Variants in AGAP1 observed in about 807,000 individuals in gnomAD.
The protein encoded by AGAP1 is arf-GAP with GTPase, ANK repeat and PH domain-containing protein 1.
In AGAP1, 29 loss-of-function variants were observed where a neutral mutation model predicts 105.3. That is an observed-to-expected ratio of 0.28 (90% confidence interval 0.21 to 0.38). The LOEUF is 0.38. AGAP1 is among the 10% of genes least tolerant of loss of function. The pLI is 1.00. For missense variants in AGAP1, 998 were observed against 1,165.1 expected, an observed-to-expected ratio of 0.86 and a Z score of 2.09; for synonymous variants, 509 against 485.9, an observed-to-expected ratio of 1.05 and a Z score of -0.63.
At chr2:235,848,916 G>A (rs891127014) in intron 9 of AGAP1, among the ~76,000 whole-genome samples, 1 of 152,212 alleles carries the variant, frequency 6.6e-6, no homozygotes, top group Non-Finnish European at 1.5e-5. Context: ...TCAGTGTTAA[G>A]GGTTGTCAGT....
In AGAP1 at chr2:235,971,827, G is replaced by A. The variant is rs1280461569; in HGVS notation, c.1645+3204G>A. Reference sequence around the variant, plus strand: ...AGGTCCTCGCTCTGTCACCCAGGCTGGGGTGTAGTGGTGCAGTCACGGCTC... The same window carrying A: ...AGGTCCTCGCTCTGTCACCCAGGCTAGGGTGTAGTGGTGCAGTCACGGCTC... On this transcript the variant is annotated intron_variant, in intron 13 of 17. Coordinates refer to ENST00000304032, the MANE Select transcript of AGAP1 (RefSeq NM_001037131.3). This position sits in a 1 kb window ranked among gnomAD's most constrained non-coding sequence, Gnocchi z 4.8. Among the ~76,000 whole-genome samples the A allele has an allele frequency of 6.6e-6, 1 of 151,396 alleles. No homozygotes were observed. Among genetic ancestry groups the A allele is most frequent in the Admixed American group, 6.6e-5 (1 of 15,182 alleles).
At chr2:235,561,775 C>T (rs1020222759) in intron 1 of AGAP1, among the ~76,000 whole-genome samples, 2 of 152,144 alleles carry the variant, frequency 1.3e-5, no homozygotes, top group African/African-American at 4.8e-5. Context: ...AAACTAAGGC[C>T]TTTGATTTAA....
At chr2:235,841,853 G>A (rs886078164) in intron 9 of AGAP1, among the ~76,000 whole-genome samples, 1 of 152,078 alleles carries the variant, frequency 6.6e-6, no homozygotes, top group African/African-American at 2.4e-5. Context: ...CATCCAGGCC[G>A]CATTTCCTCC....
At chr2:235,607,828 C>T (rs66471729) in intron 1 of AGAP1, among the ~76,000 whole-genome samples, 27,054 of 152,098 alleles carry the variant, frequency 0.18, 2,843 homozygotes, top group Non-Finnish European at 0.24. Flanking sequence ...AAGTCACTAT[C>T]GGGGAACGTT....
At chr2:235,790,610 A>G (rs1241051548) in intron 6 of AGAP1, among the ~76,000 whole-genome samples, 1 of 152,146 alleles carries the variant, frequency 6.6e-6, no homozygotes, top group Admixed American at 6.5e-5. Context: ...GGACAACTTC[A>G]CACTTGCCAC....
chr2:235,572,114 A>G (rs1004876931), intron 1 of AGAP1, among the ~76,000 whole-genome samples: 5 of 150,328 alleles, frequency 3.3e-5, no homozygotes, highest in Non-Finnish European at 5.9e-5. Context: ...TTAGCCTCTA[A>G]TTTGGGTCTG....
chr2:235,760,487 A>G (rs527286700), intron 6 of AGAP1, among the ~76,000 whole-genome samples: 1 of 152,402 alleles, frequency 6.6e-6, no homozygotes, highest in Non-Finnish European at 1.5e-5. Flanking sequence ...TGAGGTGATT[A>G]TCCTTAAATC....
rs916924305 is a variant in AGAP1 at position 236,046,161 on chromosome 2, G to A, written c.1892-2898G>A. The A allele has an allele frequency of 2.5e-6, 1 of 396,902 alleles. No individual in the cohort carries two copies. Among genetic ancestry groups the A allele is most frequent in the Non-Finnish European group, 5.3e-6 (1 of 189,200 alleles). The allele number at this position is 396,902 out of a possible 1,614,324, so 24.6% of individuals were successfully genotyped here. ...AATCGGAGGTTCTGGTAAGAGCTTA[G>A]GCAAGTGGCTATGGGGATCCAGATG... On this transcript the variant is annotated intron_variant, in intron 15 of 17. Coordinates refer to ENST00000304032, the MANE Select transcript of AGAP1 (RefSeq NM_001037131.3). The surrounding 1 kb of genome is among the most constrained non-coding windows in gnomAD (Gnocchi z 5.2).
At chr2:235,974,629 T>C (rs889463037) in intron 13 of AGAP1, among the ~76,000 whole-genome samples, 2 of 152,206 alleles carry the variant, frequency 1.3e-5, no homozygotes, top group Non-Finnish European at 2.9e-5. Context: ...AGAGGGTAAG[T>C]CACAAACGGG....
At chr2:236,097,256 A>G (rs2059213184) in intron 16 of AGAP1, among the ~76,000 whole-genome samples, 1 of 152,150 alleles carries the variant, frequency 6.6e-6, no homozygotes. Flanking sequence ...TGGGTCTTCA[A>G]AATGTGGGCT....
At chr2:235,538,545 ATAGGTTTCCG>A (rs1943324960) in intron 1 of AGAP1, among the ~76,000 whole-genome samples, 2 of 148,600 alleles carry the variant, frequency 1.3e-5, no homozygotes, top group African/African-American at 5.2e-5. Context: ...AGTTCTCTGC[ATAGGTTTCCG>A]CACGCCTTGC....
chr2:235,628,185 C>T (rs989033754), intron 1 of AGAP1, among the ~76,000 whole-genome samples: 14 of 152,070 alleles, frequency 9.2e-5, no homozygotes, highest in African/African-American at 3.4e-4. Context: ...CAGGGCCAGC[C>T]CCCAGCACAC....
At chr2:235,670,284 C>G in intron 1 of AGAP1, 2 of 442,534 alleles carry the variant, frequency 4.5e-6, no homozygotes, top group South Asian at 4.8e-5. Context: ...CCCGCGCGCT[C>G]CCCGGACGCG....
At position 236,120,958 on chromosome 2, in the gene AGAP1, A is replaced by G. The variant is rs1027264769; in HGVS notation, c.2370+511A>G. 3.9e-5 allele frequency among the ~76,000 whole-genome samples: 6 copies of G among 152,248 alleles called. No homozygotes were observed. The highest frequency in any genetic ancestry group is 1.4e-4 in the African/African-American group (6 of 41,460). On this transcript the variant is annotated intron_variant, in intron 17 of 17. Coordinates refer to ENST00000304032, the MANE Select transcript of AGAP1 (RefSeq NM_001037131.3). This position sits in a 1 kb window ranked among gnomAD's most constrained non-coding sequence, Gnocchi z 6.0. ...TGTGTCACAATGCTTGAAGGAGTGA[A>G]AGAGAAGGATAAAGTGGTTGTGCAG...
chr2:235,715,229 A>T (rs987490022), intron 2 of AGAP1, among the ~76,000 whole-genome samples: 3 of 151,884 alleles, frequency 2.0e-5, no homozygotes, highest in African/African-American at 7.3e-5. Flanking sequence ...TCATCCATCT[A>T]TCCATCGACC....
intron 1 of AGAP1, among the ~76,000 whole-genome samples, chr2:235,518,890 G>A (rs1315040165): frequency 1.3e-5 from 2 of 152,298 alleles, no homozygotes; most frequent in Middle Eastern, 3.4e-3. Flanking sequence ...CTCCTGCAGC[G>A]GAAGAGTCTC....
chr2:235,753,165 G>A lies in AGAP1; in HGVS notation c.673+2677G>A, dbSNP rs1953601308. On this transcript the variant is annotated intron_variant, in intron 6 of 17. Transcript: ENST00000304032. This position sits in a 1 kb window ranked among gnomAD's most constrained non-coding sequence, Gnocchi z 4.5. Reference sequence around the variant, plus strand: ...TACCACACCCAGCACGTTCAAGGCAGAGGACAGGCAGCCACCCACCTCTGT... The same window carrying A: ...TACCACACCCAGCACGTTCAAGGCAAAGGACAGGCAGCCACCCACCTCTGT... 6.6e-6 allele frequency among the ~76,000 whole-genome samples: 1 copy of A among 152,214 alleles called. No homozygotes were observed. The highest frequency in any genetic ancestry group is 2.4e-5 in the African/African-American group (1 of 41,452).
At chr2:235,583,596 G>A (rs1380498868) in intron 1 of AGAP1, among the ~76,000 whole-genome samples, 1 of 149,102 alleles carries the variant, frequency 6.7e-6, no homozygotes, top group Non-Finnish European at 1.5e-5. Context: ...GGTCTCAGAG[G>A]TTTGGTGTGG....
chr2:235,722,939 A>C (rs1228891969), intron 3 of AGAP1, among the ~76,000 whole-genome samples: 1 of 152,206 alleles, frequency 6.6e-6, no homozygotes, highest in African/African-American at 2.4e-5. Flanking sequence ...GTGTTAAGAA[A>C]GTTTACAAAT....
Sources: allele counts gnomAD v4.1 joint callset (sites outside exome capture counted in the v4.1 genomes callset), GRCh38; gene constraint gnomAD v4.1.1; non-coding constraint Gnocchi (gnomAD v3.1); transcripts MANE v1.5; gene names NCBI Gene and HGNC (gene_info 2026-07-23, HGNC 2026-07-21).